The following GRIA4 variants were observed in gnomAD, a reference collection of about 807,000 sequenced individuals.
GRIA4 encodes glutamate ionotropic receptor AMPA type subunit 4.
In GRIA4, 34 loss-of-function variants were observed where a neutral mutation model predicts 104.0. The ratio of observed to expected loss-of-function variants is 0.33; its 90% CI spans 0.25 to 0.44. The LOEUF (loss-of-function observed/expected upper bound fraction) is 0.44. GRIA4 is among the 20% of genes least tolerant of loss of function. GRIA4 has a pLI of 1.00. For synonymous variants in GRIA4, 386 were observed against 381.9 expected (o/e 1.01, Z -0.13); for missense variants, 750 against 1,096.5 (o/e 0.68, Z 4.46).
chr11:105,731,254 C>A (rs931434000), intron 3 of GRIA4, among the ~76,000 whole-genome samples: 2 of 152,094 alleles, frequency 1.3e-5, no homozygotes, highest in Admixed American at 1.3e-4. Flanking sequence ...GACATTCATG[C>A]GGCCAACAAA....
intron 3 of GRIA4, among the ~76,000 whole-genome samples, chr11:105,662,796 T>C (rs1350422687): frequency 1.3e-5 from 2 of 151,820 alleles, no homozygotes; most frequent in Non-Finnish European, 2.9e-5. Context: ...AGCCAGTGGT[T>C]AAAAAGCAGA....
In GRIA4 at chr11:105,781,563, C is replaced by T. The variant is rs577574322; in HGVS notation, c.487+28343C>T. 2.6e-5 allele frequency among the ~76,000 whole-genome samples: 4 copies of T among 151,894 alleles called. No homozygotes were observed. The East Asian group carries it at 7.7e-4, about 29-fold the overall frequency. On this transcript the variant is annotated intron_variant, in intron 4 of 16. Transcript: ENST00000282499. ...CATTTTATTTTATATTTTGATAATTCTGCTCATGGAAAACAAAAGGGAATG... is the reference window on the plus strand; with the variant it reads ...CATTTTATTTTATATTTTGATAATTTTGCTCATGGAAAACAAAAGGGAATG...
At chr11:105,925,722 A>G (rs1216998546) in intron 12 of GRIA4, among the ~76,000 whole-genome samples, 23 of 152,154 alleles carry the variant, frequency 1.5e-4, no homozygotes, top group Admixed American at 1.5e-3. Context: ...ATGGCTTTTA[A>G]AAGCCAGGAT....
chr11:105,823,078 T>A (rs188268156), intron 4 of GRIA4, among the ~76,000 whole-genome samples: 73 of 152,284 alleles, frequency 4.8e-4, no homozygotes, highest in Admixed American at 4.7e-3. Flanking sequence ...TTCAATCCCA[T>A]TTCATATTTC....
At chr11:105,907,711 T>C (rs1947092748) in intron 9 of GRIA4, among the ~76,000 whole-genome samples, 1 of 152,194 alleles carries the variant, frequency 6.6e-6, no homozygotes, top group African/African-American at 2.4e-5. Flanking sequence ...TTTCATGTAT[T>C]GAGAGCACAT....
chr11:105,714,186 G>A (rs1954010222), intron 3 of GRIA4, among the ~76,000 whole-genome samples: 1 of 151,654 alleles, frequency 6.6e-6, no homozygotes, highest in African/African-American at 2.4e-5. Context: ...ATGATGTCAA[G>A]ACTGTTTAGT....
chr11:105,800,931 T>C (rs1387545085), intron 4 of GRIA4, among the ~76,000 whole-genome samples: 1 of 151,950 alleles, frequency 6.6e-6, no homozygotes, highest in East Asian at 1.9e-4. Flanking sequence ...GAGATAGATA[T>C]TATACAGGAA....
At chr11:105,856,597 A>C (rs1295630237) in intron 4 of GRIA4, among the ~76,000 whole-genome samples, 3 of 152,148 alleles carry the variant, frequency 2.0e-5, no homozygotes, top group Non-Finnish European at 4.4e-5. Context: ...GAAGCAAGGA[A>C]ATATATTTAT....
At chr11:105,935,591 G>C (rs1487293173) in intron 14 of GRIA4, among the ~76,000 whole-genome samples, 1 of 152,116 alleles carries the variant, frequency 6.6e-6, no homozygotes, top group African/African-American at 2.4e-5. Context: ...TTAAAAATAG[G>C]AGGGAAAAAT....
At chr11:105,779,218 C>A (rs966989086) in intron 4 of GRIA4, among the ~76,000 whole-genome samples, 7 of 151,870 alleles carry the variant, frequency 4.6e-5, no homozygotes, top group African/African-American at 1.7e-4. Context: ...CAAGTCTTTG[C>A]TATTGTGAAT....
intron 14 of GRIA4, among the ~76,000 whole-genome samples, chr11:105,946,606 A>G (rs1233417816): frequency 1.3e-5 from 2 of 151,886 alleles, no homozygotes; most frequent in Non-Finnish European, 2.9e-5. Flanking sequence ...AATAAAAGCT[A>G]AATTAAAAAA....
intron 3 of GRIA4, among the ~76,000 whole-genome samples, chr11:105,725,739 G>A (rs1938159961): frequency 6.6e-6 from 1 of 152,048 alleles, no homozygotes; most frequent in Admixed American, 6.6e-5. Context: ...TGCAGCCCAT[G>A]GAGAGCAAGC....
intron 4 of GRIA4, chr11:105,797,824 A>G (rs1335275689): frequency 2.2e-6 from 1 of 455,730 alleles, no homozygotes; most frequent in Admixed American, 2.4e-5. Context: ...CATAAACTCC[A>G]TAACTGCTTG....
intron 3 of GRIA4, among the ~76,000 whole-genome samples, chr11:105,733,763 T>C (rs977104238): frequency 2.0e-5 from 3 of 152,018 alleles, no homozygotes; most frequent in African/African-American, 7.2e-5. Flanking sequence ...CAGACATCTA[T>C]TCTTATTCTG....
intron 4 of GRIA4, among the ~76,000 whole-genome samples, chr11:105,800,455 T>C (rs1358719006): frequency 1.3e-5 from 2 of 152,214 alleles, no homozygotes; most frequent in East Asian, 3.9e-4. Context: ...TGATAATGTG[T>C]CAAGGTACCT....
chr11:105,865,430 T>C (rs1281470711), intron 5 of GRIA4, among the ~76,000 whole-genome samples: 5 of 152,188 alleles, frequency 3.3e-5, no homozygotes, highest in Non-Finnish European at 7.3e-5. Context: ...TTTGCTGAAT[T>C]TGTGATGAAT....
At chr11:105,792,424 T>C (rs2135807329) in intron 4 of GRIA4, among the ~76,000 whole-genome samples, 2 of 152,238 alleles carry the variant, frequency 1.3e-5, no homozygotes, top group Middle Eastern at 6.8e-3. Flanking sequence ...CACAAAATCC[T>C]CACACCTTAT....
intron 3 of GRIA4, among the ~76,000 whole-genome samples, chr11:105,628,340 C>A (rs1218238485): frequency 1.2e-4 from 19 of 152,106 alleles, no homozygotes; most frequent in Admixed American, 1.2e-3. Context: ...TATATCAGAT[C>A]TTTCATGTAC....
At chr11:105,661,335 T>C (rs1348436209) in intron 3 of GRIA4, among the ~76,000 whole-genome samples, 1 of 151,596 alleles carries the variant, frequency 6.6e-6, no homozygotes, top group Non-Finnish European at 1.5e-5. Context: ...AAATGAGTAT[T>C]GGTTTGTTTA....
Sources: gnomAD v4.1 joint callset for allele counts (sites outside exome capture counted in the v4.1 genomes callset) on GRCh38, gnomAD v4.1.1 for gene constraint, MANE v1.5 for transcripts, NCBI Gene and HGNC (gene_info 2026-07-23, HGNC 2026-07-21) for gene names.